KIFC3: variants seen among roughly 807,000 people sequenced by gnomAD.
KIFC3 encodes kinesin family member C3.
Under a neutral mutation model 101.8 loss-of-function variants are expected in KIFC3, and 60 were observed. The observed-to-expected ratio is 0.59, with a 90% CI of 0.48 to 0.73. KIFC3 has a LOEUF of 0.73. Ranked by LOEUF, KIFC3 falls within the 30% of genes least tolerant of loss-of-function variation. The probability of loss-of-function intolerance (pLI) is 0.00; values close to 1 mark genes in which losing one functional copy is unlikely to be tolerated. For synonymous variants in KIFC3, 476 were observed against 482.7 expected, an observed-to-expected ratio of 0.99 and a Z score of 0.18; for missense variants, 966 against 1,137.1, an observed-to-expected ratio of 0.85 and a Z score of 2.16.
intron 3 of KIFC3, among the ~76,000 whole-genome samples, chr16:57,787,324 A>G (rs2053436910): frequency 6.6e-6 from 1 of 152,220 alleles, no homozygotes; most frequent in African/African-American, 2.4e-5. Flanking sequence ...CACCATGGAC[A>G]TGCACAGGTG....
chr16:57,846,902 A>C (rs1393929560), intron 1 of KIFC3, among the ~76,000 whole-genome samples: 3 of 152,148 alleles, frequency 2.0e-5, no homozygotes, highest in African/African-American at 7.2e-5. Context: ...AAATATATTT[A>C]GGCCTGGTGC....
At chr16:57,802,934 C>G, upstream of KIFC3, 1 of 1,518,502 alleles carries the variant, frequency 6.6e-7, no homozygotes, top group South Asian at 1.2e-5. This position sits in a 1 kb window ranked among gnomAD's most constrained non-coding sequence, Gnocchi z 5.0. Flanking sequence ...TCTTCCCATC[C>G]CAACACACAC....
intron 1 of KIFC3, among the ~76,000 whole-genome samples, chr16:57,855,670 G>T (rs1393487198): frequency 6.6e-6 from 1 of 151,898 alleles, no homozygotes; most frequent in East Asian, 1.9e-4. Flanking sequence ...ACTTGGCCAG[G>T]TGTGGTGGCT....
At chr16:57,763,468 G>A (rs983896190) in intron 12 of KIFC3, among the ~76,000 whole-genome samples, 1 of 152,032 alleles carries the variant, frequency 6.6e-6, no homozygotes, top group African/African-American at 2.4e-5. Context: ...CTGTCCAGAC[G>A]CCACACCACC....
At position 57,862,728 on chromosome 16, in the gene KIFC3, C is replaced by A; in HGVS notation, c.108+1G>T. ...CTGCCCCAACCCAGCCAGGCCCTTA[C>A]CTTGCACTGCTCCGGGACACCAGCC... On this transcript the variant is annotated splice_donor_variant, in intron 1 of 2. Coordinates refer to the KIFC3 transcript ENST00000563028. LOFTEE classifies it high-confidence loss of function. 7.8e-7 allele frequency: 1 copy of A among 1,282,122 alleles called. No individual in the cohort carries two copies. Among genetic ancestry groups the A allele is most frequent in the South Asian group, 1.2e-5 (1 of 80,796 alleles). The allele number at this position is 1,282,122 out of a possible 1,614,324, so 79.4% of individuals were successfully genotyped here. A position where few individuals can be genotyped will look rare whatever the true frequency, so the allele number is the denominator to read the frequency against.
At chr16:57,796,589 G>A (rs1555623091) in intron 2 of KIFC3, among the ~76,000 whole-genome samples, 2 of 152,218 alleles carry the variant, frequency 1.3e-5, no homozygotes, top group African/African-American at 2.4e-5. Flanking sequence ...TGGCAGGCAC[G>A]GCGCTTGCAT....
chr16:57,805,300 G>A (rs532398788), upstream of KIFC3, among the ~76,000 whole-genome samples: 5 of 152,264 alleles, frequency 3.3e-5, no homozygotes, highest in East Asian at 9.7e-4. Context: ...TGGAATTTAA[G>A]AATGTACAAT....
intron 1 of KIFC3, among the ~76,000 whole-genome samples, chr16:57,838,186 G>A (rs545718965): frequency 6.6e-6 from 1 of 152,238 alleles, no homozygotes; most frequent in East Asian, 1.9e-4. Context: ...AAAAATGCAG[G>A]GAACAAGCAG....
intron 1 of KIFC3, among the ~76,000 whole-genome samples, chr16:57,860,030 A>C (rs564801817): frequency 4.0e-5 from 3 of 75,420 alleles, no homozygotes; most frequent in South Asian, 8.5e-4. Context: ...TCAAAAATAA[A>C]ATAAAATAAA....
At chr16:57,833,821 C>T (rs1310670048) in intron 1 of KIFC3, among the ~76,000 whole-genome samples, 3 of 151,184 alleles carry the variant, frequency 2.0e-5, no homozygotes, top group Non-Finnish European at 1.5e-5. Flanking sequence ...GGTATCATAC[C>T]TCCTGCATAC....
Position 57,775,566 on chromosome 16 carries a change from C to T in KIFC3, c.316-3278G>A, listed in dbSNP as rs1346562991. 4 of 985,954 alleles carry T rather than the reference C, an allele frequency of 4.1e-6. No homozygotes were observed. In the African/African-American group the frequency reaches 7.0e-5, roughly 17 times the overall value. 61.1% of individuals were successfully genotyped at this position (985,954 alleles called of 1,614,324 possible). A position where few individuals can be genotyped will look rare whatever the true frequency, so the allele number is the denominator to read the frequency against. ...AAGCGGATGGAAGATGGCCTGGGAG[C>T]AGTGAGAGCCAAGAGCAGGCAGGGC... On this transcript the variant is annotated intron_variant, in intron 3 of 19. Coordinates refer to ENST00000445690, the MANE Select transcript of KIFC3 (RefSeq NM_001130100.2).
rs778668717 is a variant in KIFC3, at chr16:57,850,943, CTCCCTCCTTCCTTCCT to C, written c.108+11770_108+11785del. The stretch of plus-strand genomic sequence containing the variant: ...ATTTGATTTCAACTTCTTTCCTTCC[CTCCCTCCTTCCTTCCT>C]TCCTTCCTTCCTTCCTTCCTTCCTT... On this transcript the variant is annotated intron_variant, in intron 1 of 2. Transcript: ENST00000563028. Among the ~76,000 whole-genome samples the C allele has an allele frequency of 2.8e-4, 14 of 50,010 alleles. 1 individual carries two copies. In the East Asian group the frequency reaches 7.9e-3, roughly 28 times the overall value. 32.8% of individuals were successfully genotyped at this position (50,010 alleles called of 152,430 possible). A position where few individuals can be genotyped will look rare whatever the true frequency, so the allele number is the denominator to read the frequency against.
chr16:57,802,908 C>T, upstream of KIFC3: 4 of 1,442,384 alleles, frequency 2.8e-6, no homozygotes, highest in Middle Eastern at 1.7e-4. The surrounding 1 kb of genome is among the most constrained non-coding windows in gnomAD (Gnocchi z 5.0). Flanking sequence ...CACGCGGGCT[C>T]TCATACCAGT....
chr16:57,858,923 CT>C (rs1567348220), intron 1 of KIFC3, among the ~76,000 whole-genome samples: 1 of 152,024 alleles, frequency 6.6e-6, no homozygotes, highest in Non-Finnish European at 1.5e-5. Flanking sequence ...GCTTTCCAAC[CT>C]GGGCAACAGA....
chr16:57,860,050 A>T (rs1168427393), intron 1 of KIFC3, among the ~76,000 whole-genome samples: 5 of 119,334 alleles, frequency 4.2e-5, no homozygotes, highest in African/African-American at 1.8e-4. Context: ...AATAAAATAA[A>T]ATAAAATAAA....
chr16:57,788,786 T>C, intron 3 of KIFC3: 1 of 1,259,948 alleles, frequency 7.9e-7, no homozygotes, highest in African/African-American at 1.5e-5. Flanking sequence ...CAGAGGATGG[T>C]GTGCTCCCGG....
intron 1 of KIFC3, among the ~76,000 whole-genome samples, chr16:57,845,045 AC>A (rs1164427099): frequency 1.3e-5 from 2 of 152,056 alleles, no homozygotes; most frequent in Non-Finnish European, 2.9e-5. Context: ...TAGCAGGGAG[AC>A]AAAAATTAAG....
intron 12 of KIFC3, among the ~76,000 whole-genome samples, chr16:57,763,474 C>G (rs2050100668): frequency 6.6e-6 from 1 of 152,194 alleles, no homozygotes; most frequent in Non-Finnish European, 1.5e-5. Flanking sequence ...AGACGCCACA[C>G]CACCTGGCCT....
In KIFC3 at chr16:57,795,151, G is replaced by A. The variant is rs782734783; in HGVS notation, c.173-10C>T. ...GTATCTTTTCCACGCCCTGTCCCAG[G>A]ACAGAGAGATAGGTGAGACACTCCG... On this transcript the variant is annotated splice_polypyrimidine_tract_variant and intron_variant, in intron 2 of 19. Transcript: ENST00000445690. 1 of 1,606,654 alleles carries A rather than the reference G, an allele frequency of 6.2e-7. No homozygotes were observed. Among genetic ancestry groups the A allele is most frequent in the Non-Finnish European group, 8.5e-7 (1 of 1,177,012 alleles).
Sources: gnomAD v4.1 joint callset for allele counts (sites outside exome capture counted in the v4.1 genomes callset) on GRCh38, gnomAD v4.1.1 for gene constraint, Gnocchi (gnomAD v3.1) non-coding constraint, MANE v1.5 for transcripts, NCBI Gene and HGNC (gene_info 2026-07-23, HGNC 2026-07-21) for gene names.